CCNY: variants seen among roughly 807,000 people sequenced by gnomAD.
CCNY encodes the protein cyclin Y.
In CCNY, 19 loss-of-function variants were observed where a neutral mutation model predicts 42.8. The ratio of observed to expected loss-of-function variants is 0.44; its 90% CI spans 0.31 to 0.65. The LOEUF (loss-of-function observed/expected upper bound fraction) is 0.65. Among genes scored for constraint, CCNY ranks in the 30% least tolerant of loss-of-function variants. CCNY has a pLI of 0.07. For missense variants in CCNY, 370 were observed against 437.3 expected (o/e 0.85, Z 1.37); for synonymous variants, 165 against 162.7 (o/e 1.01, Z -0.11).
At chr10:35,482,319 C>T (rs999869545) in intron 1 of CCNY, among the ~76,000 whole-genome samples, 8 of 152,172 alleles carry the variant, frequency 5.3e-5, no homozygotes, top group African/African-American at 1.9e-4. Flanking sequence ...TAATTGAACC[C>T]AAGAAGTTTT....
intron 1 of CCNY, among the ~76,000 whole-genome samples, chr10:35,397,970 C>T (rs3013375): frequency 0.068 from 10,416 of 152,116 alleles, 569 homozygotes; most frequent in African/African-American, 0.15. Flanking sequence ...CTTCCAGGGC[C>T]GAGGGAAGGG....
chr10:35,250,775 CT>C (rs2095711450), intron 3 of CCNY: 1 of 152,298 alleles, frequency 6.6e-6, no homozygotes, highest in South Asian at 2.1e-4. Flanking sequence ...CGTAAGGTTC[CT>C]TTTCAGTAAA....
chr10:35,338,326 A>G (rs1836097316), intron 1 of CCNY, among the ~76,000 whole-genome samples: 1 of 152,236 alleles, frequency 6.6e-6, no homozygotes, highest in African/African-American at 2.4e-5. Flanking sequence ...TGGTAGTTTA[A>G]TCTTTTTAGG....
chr10:35,478,942 G>A (rs1222042529), intron 1 of CCNY, among the ~76,000 whole-genome samples: 2 of 152,172 alleles, frequency 1.3e-5, no homozygotes, highest in Admixed American at 6.5e-5. Context: ...AAAAGTGGGT[G>A]AAGGACATGA....
At position 35,548,896 on chromosome 10, in the gene CCNY, T is replaced by C. The variant is rs181949474; in HGVS notation, c.580-4123T>C. ...TTACTTTGTCTTCAGTACAGTGCCC[T>C]GATCCATTCTAAGGAACATCTGATA... On this transcript the variant is annotated intron_variant, in intron 7 of 9. Transcript: ENST00000374704. Among the ~76,000 whole-genome samples, 457 of 152,302 alleles carry C rather than the reference T, an allele frequency of 3.0e-3. 1 individual carries two copies. The highest frequency in any genetic ancestry group is 6.8e-3 in the Middle Eastern group (2 of 294).
intron 9 of CCNY, among the ~76,000 whole-genome samples, chr10:35,566,891 G>A (rs2135466592): frequency 6.6e-6 from 1 of 150,708 alleles, no homozygotes; most frequent in South Asian, 2.1e-4. Flanking sequence ...TGTATTTTTA[G>A]TAGAGATGGA....
chr10:35,370,327 A>G (rs1173441659), intron 1 of CCNY, among the ~76,000 whole-genome samples: 1 of 151,598 alleles, frequency 6.6e-6, no homozygotes, highest in East Asian at 1.9e-4. Flanking sequence ...AATTTTTTGT[A>G]TTTTTAGTAG....
chr10:35,420,910 ATTG>A (rs1838145132), intron 1 of CCNY, among the ~76,000 whole-genome samples: 1 of 152,190 alleles, frequency 6.6e-6, no homozygotes, highest in Non-Finnish European at 1.5e-5. Context: ...TGAAAAATGT[ATTG>A]TTGTTTACTG....
rs373619618 is a variant in CCNY, at chr10:35,555,402, G to A, written c.746+2217G>A. Among the ~76,000 whole-genome samples the A allele has an allele frequency of 5.5e-4, 83 of 152,248 alleles. 1 individual carries two copies. The South Asian group carries it at 0.017, about 30-fold the overall frequency. ...GGTCATTTGGAATTCTAGGTACTTA[G>A]GTTGTATTCATTGAAGGTTTAAATT... On this transcript the variant is annotated intron_variant, in intron 8 of 9. Transcript: ENST00000374704.
intron 1 of CCNY, among the ~76,000 whole-genome samples, chr10:35,382,799 A>G (rs148409803): frequency 1.7e-3 from 265 of 152,360 alleles, no homozygotes; most frequent in Non-Finnish European, 3.2e-3. Flanking sequence ...TGTGAAAACT[A>G]TGGGAGACAG....
chr10:35,318,333 C>T (rs1835784083), intron 3 of CCNY, among the ~76,000 whole-genome samples: 1 of 152,164 alleles, frequency 6.6e-6, no homozygotes. Flanking sequence ...TGTGCAACTA[C>T]CCACCTACCC....
At chr10:35,364,407 C>T (rs1373599480) in intron 1 of CCNY, among the ~76,000 whole-genome samples, 1 of 152,064 alleles carries the variant, frequency 6.6e-6, no homozygotes, top group Admixed American at 6.6e-5. Flanking sequence ...GCTGTTTGTC[C>T]CACCTGTCAT....
intron 3 of CCNY, among the ~76,000 whole-genome samples, chr10:35,266,851 AG>A (rs1269355661): frequency 1.3e-5 from 2 of 152,062 alleles, no homozygotes; most frequent in Admixed American, 6.6e-5. Context: ...TGGAAGGCCG[AG>A]GCAGGTGGAT....
intron 3 of CCNY, among the ~76,000 whole-genome samples, chr10:35,279,947 C>T (rs1835281090): frequency 6.6e-6 from 1 of 152,238 alleles, no homozygotes; most frequent in African/African-American, 2.4e-5. Context: ...CTTGTTTCTA[C>T]TCACTATTTC....
chr10:35,559,583 A>G (rs1841425800), intron 8 of CCNY, among the ~76,000 whole-genome samples: 1 of 152,272 alleles, frequency 6.6e-6, no homozygotes, highest in South Asian at 2.1e-4. Context: ...AAGAGATTAC[A>G]GATGTGACAG....
chr10:35,250,011 G>A (rs2095710707), intron 2 of CCNY, among the ~76,000 whole-genome samples: 2 of 152,086 alleles, frequency 1.3e-5, no homozygotes, highest in African/African-American at 4.8e-5. Flanking sequence ...TGGCTAACAT[G>A]GTGAAACCCC....
intron 1 of CCNY, among the ~76,000 whole-genome samples, chr10:35,470,121 A>C (rs1220848793): frequency 6.7e-6 from 1 of 148,734 alleles, no homozygotes; most frequent in Non-Finnish European, 1.5e-5. Context: ...GGAGAGAGAA[A>C]GATAGGGCGA....
chr10:35,307,792 GTGTGTGTGTATATA>G (rs1564364262), intron 3 of CCNY, among the ~76,000 whole-genome samples: 2 of 81,180 alleles, frequency 2.5e-5, no homozygotes, highest in East Asian at 2.8e-4. Context: ...GTGTGTGTGT[GTGTGTGTGTATATA>G]TATATATATA....
chr10:35,391,093 C>T (rs1246588977), intron 1 of CCNY, among the ~76,000 whole-genome samples: 7 of 152,194 alleles, frequency 4.6e-5, no homozygotes, highest in Non-Finnish European at 8.8e-5. Context: ...AGCACTCAAA[C>T]ATAAATTTAA....
Sources: gnomAD v4.1 joint callset for allele counts (sites outside exome capture counted in the v4.1 genomes callset) on GRCh38, gnomAD v4.1.1 for gene constraint, MANE v1.5 for transcripts, NCBI Gene and HGNC (gene_info 2026-07-23, HGNC 2026-07-21) for gene names.